The following BABAM2 variants were observed in gnomAD, a reference collection of about 807,000 sequenced individuals.
BABAM2 encodes the protein BRISC and BRCA1-A complex member 2.
BABAM2 carries 31 observed loss-of-function variants against 54.7 expected under a neutral mutation model. The observed-to-expected ratio is 0.57, with a 90% CI of 0.43 to 0.77. The LOEUF (loss-of-function observed/expected upper bound fraction) is 0.77, where lower values mean the gene tolerates loss of function less well. BABAM2 is among the 30% of genes least tolerant of loss of function. The probability of loss-of-function intolerance (pLI) is 0.00; values close to 1 mark genes in which losing one functional copy is unlikely to be tolerated. For synonymous variants in BABAM2, 167 were observed against 162.9 expected, an observed-to-expected ratio of 1.03 and a Z score of -0.19; for missense variants, 364 against 455.8, an observed-to-expected ratio of 0.80 and a Z score of 1.83.
intron 7 of BABAM2, among the ~76,000 whole-genome samples, chr2:28,161,707 T>A (rs1239732857): frequency 6.6e-6 from 1 of 152,098 alleles, no homozygotes; most frequent in Non-Finnish European, 1.5e-5. Flanking sequence ...GGTGTGTCCT[T>A]TTTGGCTCTT....
At chr2:28,001,722 G>T (rs1211911604) in intron 4 of BABAM2, among the ~76,000 whole-genome samples, 1 of 152,132 alleles carries the variant, frequency 6.6e-6, no homozygotes, top group Non-Finnish European at 1.5e-5. Flanking sequence ...GGAAGTAGGC[G>T]TATCACATGG....
At chr2:28,113,046 G>A (rs893999204) in intron 6 of BABAM2, among the ~76,000 whole-genome samples, 4 of 152,126 alleles carry the variant, frequency 2.6e-5, no homozygotes, top group Non-Finnish European at 5.9e-5. Flanking sequence ...TTTTGATGGG[G>A]TTGTTTGTTA....
At chr2:27,983,950 T>TTTTTTTTTTTTTTTTTC (rs1672209384) in intron 3 of BABAM2, among the ~76,000 whole-genome samples, 1 of 138,564 alleles carries the variant, frequency 7.2e-6, no homozygotes, top group African/African-American at 2.7e-5. Flanking sequence ...ACCTTTTTTT[T>TTTTTTTTTTTTTTTTTC]TTTTTTTTTT....
chr2:28,335,314 C>T (rs1008714763), intron 11 of BABAM2, among the ~76,000 whole-genome samples: 15 of 152,018 alleles, frequency 9.9e-5, no homozygotes, highest in African/African-American at 2.2e-4. Context: ...GGACTACAAG[C>T]GCCCACCACC....
At chr2:28,186,313 A>G (rs948901981) in intron 7 of BABAM2, among the ~76,000 whole-genome samples, 5 of 152,136 alleles carry the variant, frequency 3.3e-5, no homozygotes, top group Non-Finnish European at 7.4e-5. Context: ...TTAGCCCTGT[A>G]CCCCACTCAC....
chr2:28,098,220 TCTG>T (rs1666785965), intron 6 of BABAM2, among the ~76,000 whole-genome samples: 1 of 152,222 alleles, frequency 6.6e-6, no homozygotes, highest in African/African-American at 2.4e-5. Flanking sequence ...TGTCTTTAAT[TCTG>T]CTGTCAGACT....
chr2:28,170,126 ATAAC>A (rs907983470), intron 7 of BABAM2, among the ~76,000 whole-genome samples: 4 of 152,264 alleles, frequency 2.6e-5, no homozygotes, highest in Admixed American at 6.5e-5. Flanking sequence ...AATTTTATAA[ATAAC>A]GTGTTTTATA....
chr2:28,282,183 G>A (rs773491945), intron 10 of BABAM2, among the ~76,000 whole-genome samples: 3 of 152,106 alleles, frequency 2.0e-5, no homozygotes, highest in East Asian at 1.9e-4. Flanking sequence ...TTAAAACCCC[G>A]TAGATATAAC....
chr2:27,895,565 T>A (rs188612745), intron 2 of BABAM2, among the ~76,000 whole-genome samples: 33 of 152,366 alleles, frequency 2.2e-4, no homozygotes, highest in Non-Finnish European at 2.6e-4. Context: ...ACTACTAAGT[T>A]AACTTTGATA....
intron 2 of BABAM2, among the ~76,000 whole-genome samples, chr2:27,908,092 A>G (rs946743386): frequency 6.6e-6 from 1 of 152,008 alleles, no homozygotes; most frequent in Non-Finnish European, 1.5e-5. Context: ...GAACCGCTAT[A>G]CTGTTTTCTT....
intron 3 of BABAM2, among the ~76,000 whole-genome samples, chr2:27,932,778 C>G (rs1668189639): frequency 1.3e-5 from 2 of 152,240 alleles, no homozygotes; most frequent in Non-Finnish European, 2.9e-5. Context: ...TATGGGTTTA[C>G]TAGGACAGAT....
chr2:28,016,922 A>G (rs1303058698), intron 4 of BABAM2, among the ~76,000 whole-genome samples: 14 of 152,348 alleles, frequency 9.2e-5, no homozygotes, highest in Middle Eastern at 3.4e-3. Flanking sequence ...TGTGATTGGC[A>G]GTGCTGTGTT....
intron 6 of BABAM2, among the ~76,000 whole-genome samples, chr2:28,049,984 C>T (rs1677881074): frequency 1.3e-5 from 2 of 152,166 alleles, no homozygotes; most frequent in Admixed American, 1.3e-4. Flanking sequence ...TTCACAGAGC[C>T]AGGCAAGTAC....
chr2:28,151,571 A>G (rs1443165053), intron 7 of BABAM2, among the ~76,000 whole-genome samples: 1 of 152,058 alleles, frequency 6.6e-6, no homozygotes, highest in Non-Finnish European at 1.5e-5. Flanking sequence ...GCAAAACTCC[A>G]TCTCAAAAAA....
chr2:28,157,128 C>T (rs1573707322), intron 7 of BABAM2, among the ~76,000 whole-genome samples: 1 of 152,122 alleles, frequency 6.6e-6, no homozygotes, highest in African/African-American at 2.4e-5. Context: ...TGGAAAATTT[C>T]TGTGTCTCTA....
intron 7 of BABAM2, among the ~76,000 whole-genome samples, chr2:28,138,853 T>A (rs1670769324): frequency 6.6e-6 from 1 of 152,196 alleles, no homozygotes; most frequent in African/African-American, 2.4e-5. Flanking sequence ...CCAGCCTGTT[T>A]CAAGCCTCTA....
intron 4 of BABAM2, among the ~76,000 whole-genome samples, chr2:28,017,593 G>A (rs1288763445): frequency 1.3e-5 from 2 of 152,188 alleles, no homozygotes; most frequent in East Asian, 1.9e-4. Context: ...CCACAGAGTC[G>A]TGCAGTCATC....
At chr2:28,283,266 A>G (rs1452822654) in intron 10 of BABAM2, among the ~76,000 whole-genome samples, 1 of 152,176 alleles carries the variant, frequency 6.6e-6, no homozygotes, top group African/African-American at 2.4e-5. Context: ...ACCACTCTAT[A>G]GCGTAATCTC....
intron 3 of BABAM2, among the ~76,000 whole-genome samples, chr2:27,943,112 T>G (rs918452613): frequency 8.5e-5 from 13 of 152,176 alleles, no homozygotes; most frequent in Non-Finnish European, 1.6e-4. Flanking sequence ...TTTTGAACCT[T>G]GGCCGCTAGG....
Sources: allele counts gnomAD v4.1 joint callset (sites outside exome capture counted in the v4.1 genomes callset), GRCh38; gene constraint gnomAD v4.1.1; transcripts MANE v1.5; gene names NCBI Gene and HGNC (gene_info 2026-07-23, HGNC 2026-07-21).